Variants in FAM177A1 observed in about 807,000 individuals in gnomAD.
FAM177A1 encodes protein FAM177A1.
Under a neutral mutation model 26.1 loss-of-function variants are expected in FAM177A1, and 22 were observed. That is an observed-to-expected ratio of 0.84 (90% CI 0.60 to 1.20). FAM177A1 has a LOEUF of 1.20. Among genes scored for constraint, FAM177A1 ranks in the 50% most tolerant of loss-of-function variants. The pLI is 0.00. For synonymous variants in FAM177A1, 95 were observed against 99.3 expected (o/e 0.96, Z 0.26); for missense variants, 296 against 291.1 (o/e 1.02, Z -0.12).
At chr14:35,075,731 A>G (rs996761538) in intron 2 of FAM177A1, among the ~76,000 whole-genome samples, 12 of 152,366 alleles carry the variant, frequency 7.9e-5, no homozygotes, top group South Asian at 6.2e-4. Flanking sequence ...AGAATCTACA[A>G]TGAACTCAAA....
Position 35,082,186 on chromosome 14 carries a change from A to T in FAM177A1, c.*958A>T, listed in dbSNP as rs2045494204. 3 of 152,212 alleles carry T rather than the reference A, an allele frequency of 2.0e-5. No individual in the cohort carries two copies. Among genetic ancestry groups the T allele is most frequent in the Admixed American group, 2.0e-4 (3 of 15,272 alleles). The allele number at this position is 152,212 out of a possible 1,614,324, so 9.4% of individuals were successfully genotyped here. A position where few individuals can be genotyped will look rare whatever the true frequency, so the allele number is the denominator to read the frequency against. On this transcript the variant is annotated 3_prime_UTR_variant, in exon 5 of 5. Transcript: ENST00000280987. ...ACCTACTTGGTTATTTGTAAACCTT[A>T]CAAATGTATATATTGTGAAGCTAAT...
intron 2 of FAM177A1, among the ~76,000 whole-genome samples, chr14:35,075,918 C>T (rs1415023373): frequency 4.6e-5 from 7 of 152,102 alleles, no homozygotes; most frequent in South Asian, 2.1e-4. Flanking sequence ...GTTAGAATGG[C>T]GATCATTAAA....
At chr14:35,055,859 T>A (rs2045054375) in intron 2 of FAM177A1, among the ~76,000 whole-genome samples, 1 of 152,150 alleles carries the variant, frequency 6.6e-6, no homozygotes, top group South Asian at 2.1e-4. Context: ...GTCTTTTTAT[T>A]TTTTTGTTCT....
chr14:35,075,543 G>C (rs984855649), intron 2 of FAM177A1, among the ~76,000 whole-genome samples: 5 of 152,008 alleles, frequency 3.3e-5, no homozygotes, highest in Admixed American at 2.0e-4. Context: ...GCATGGTCAA[G>C]GACTTCATGA....
At chr14:35,059,760 G>T (rs1000194474) in intron 2 of FAM177A1, among the ~76,000 whole-genome samples, 22 of 151,838 alleles carry the variant, frequency 1.4e-4, no homozygotes, top group Non-Finnish European at 2.5e-4. Context: ...TGTTGGTCAG[G>T]TTGGTCTCGA....
upstream of FAM177A1, among the ~76,000 whole-genome samples, chr14:35,045,420 G>T (rs2139049688): frequency 6.6e-6 from 1 of 152,224 alleles, no homozygotes; most frequent in Admixed American, 6.5e-5. Flanking sequence ...GAAGAGAAAG[G>T]AATATTTAAT....
intron 2 of FAM177A1, among the ~76,000 whole-genome samples, chr14:35,070,343 T>C (rs1021859828): frequency 6.7e-6 from 1 of 149,394 alleles, no homozygotes; most frequent in African/African-American, 2.5e-5. Flanking sequence ...ATTTTTTTTT[T>C]CTTTGCGTCG....
chr14:35,050,949 T>G (rs2044957849), intron 1 of FAM177A1: 1 of 152,186 alleles, frequency 6.6e-6, no homozygotes, highest in South Asian at 2.1e-4. Context: ...AAAAGTGTCC[T>G]GGGTTAACTA....
chr14:35,078,613 A>G (rs747913091), intron 3 of FAM177A1, among the ~76,000 whole-genome samples: 8 of 152,196 alleles, frequency 5.3e-5, no homozygotes, highest in Non-Finnish European at 1.0e-4. Flanking sequence ...CAGCCTCCCA[A>G]AGTGCTGGGA....
At chr14:35,053,136 G>A in intron 1 of FAM177A1, 142 bp from the exon 2 acceptor site, 2 of 686,244 alleles carry the variant, frequency 2.9e-6, no homozygotes, top group Middle Eastern at 4.1e-4. Context: ...GAGCAATAGA[G>A]TGAGACCATG....
chr14:35,068,203 G>A (rs1018993717), intron 2 of FAM177A1, among the ~76,000 whole-genome samples: 4 of 152,160 alleles, frequency 2.6e-5, no homozygotes, highest in African/African-American at 9.7e-5. Flanking sequence ...CAGTAAATAG[G>A]TTTTTTATTG....
chr14:35,045,657 T>C (rs913654706), upstream of FAM177A1, among the ~76,000 whole-genome samples: 2 of 152,190 alleles, frequency 1.3e-5, no homozygotes, highest in Admixed American at 1.3e-4. Flanking sequence ...TTGTTTGATG[T>C]TGAAGTCATG....
chr14:35,056,460 A>G (rs1292668418), intron 2 of FAM177A1, among the ~76,000 whole-genome samples: 1 of 151,932 alleles, frequency 6.6e-6, no homozygotes, highest in Non-Finnish European at 1.5e-5. Flanking sequence ...GGTTCAAGCA[A>G]TTCTCCTGCT....
At chr14:35,045,581 C>A (rs986420436), upstream of FAM177A1, among the ~76,000 whole-genome samples, 1 of 152,112 alleles carries the variant, frequency 6.6e-6, no homozygotes, top group Admixed American at 6.6e-5. Flanking sequence ...GGTTTTGCCC[C>A]CTACATATTT....
At chr14:35,045,976 T>C (rs2044853048), upstream of FAM177A1, 1 of 152,740 alleles carries the variant, frequency 6.5e-6, no homozygotes, top group Non-Finnish European at 1.5e-5. Context: ...CCGTACATTT[T>C]ACATTTTTCA....
intron 2 of FAM177A1, among the ~76,000 whole-genome samples, chr14:35,060,834 A>G (rs2045140082): frequency 6.6e-6 from 1 of 152,196 alleles, no homozygotes; most frequent in South Asian, 2.1e-4. Flanking sequence ...TTCCAGAAAT[A>G]AACAATTGAT....
chr14:35,080,359 T>C (rs2045461621), intron 4 of FAM177A1, among the ~76,000 whole-genome samples: 1 of 152,228 alleles, frequency 6.6e-6, no homozygotes. Context: ...TTCAACCGAA[T>C]AGACTGACAC....
Position 35,048,854 on chromosome 14 carries a change from G to T in FAM177A1, c.165+2226G>T, listed in dbSNP as rs2044917276. ...GATAGGAGATAGGGTCTAGAATTAG[G>T]CCTCCAAACAGGCCATCCAGTACCT... On this transcript the variant is annotated intron_variant, in intron 1 of 4. Coordinates refer to ENST00000280987, the MANE Select transcript of FAM177A1 (RefSeq NM_173607.5). Among the ~76,000 whole-genome samples, 3 of 151,342 alleles carry T rather than the reference G, an allele frequency of 2.0e-5. No individual in the cohort carries two copies. The South Asian group carries it at 6.3e-4, about 32-fold the overall frequency.
rs1413433348 is a variant in FAM177A1 at position 35,046,478 on chromosome 14, A to G, written c.15A>G (p.Leu5=). 1 of 1,590,260 alleles carries G rather than the reference A, an allele frequency of 6.3e-7. No individual in the cohort carries two copies. Among genetic ancestry groups the G allele is most frequent in the Admixed American group, 1.7e-5 (1 of 57,748 alleles). Residue 5 remains leucine (L), a synonymous_variant, in exon 1 of 5, where the codon TTA becomes TTG. Transcript: ENST00000280987. MEVG[L]PAITLFLTSA... ...GGAGACCAAGGATGGAAGTGGGCTT[A>G]CCGGCCATTACCCTCTTTCTCACCA...
Sources: allele counts gnomAD v4.1 joint callset (sites outside exome capture counted in the v4.1 genomes callset), GRCh38; gene constraint gnomAD v4.1.1; transcripts MANE v1.5; gene names NCBI Gene and HGNC (gene_info 2026-07-23, HGNC 2026-07-21).